Variants in SLC12A6 observed in about 807,000 individuals in gnomAD.
SLC12A6 encodes the protein solute carrier family 12 member 6, also known as K-Cl cotransporter 3.
SLC12A6 carries 66 observed loss-of-function variants against 135.3 expected under a neutral mutation model. The ratio of observed to expected loss-of-function variants is 0.49; its 90% confidence interval spans 0.40 to 0.60. The LOEUF (loss-of-function observed/expected upper bound fraction) is 0.60, where lower values mean the gene tolerates loss of function less well. Ranked by LOEUF, SLC12A6 falls within the 20% of genes least tolerant of loss-of-function variation. The pLI is 0.00. For missense variants in SLC12A6, 1,058 were observed against 1,452.3 expected, an observed-to-expected ratio of 0.73 and a Z score of 4.41; for synonymous variants, 513 against 508.8, an observed-to-expected ratio of 1.01 and a Z score of -0.11.
At chr15:34,235,348 A>G (rs1010877216) in intron 24 of SLC12A6, 34 bp from the exon 25 acceptor site, 3 of 1,597,010 alleles carry the variant, frequency 1.9e-6, no homozygotes, top group Non-Finnish European at 2.6e-6. Context: ...TGTTAAGGTA[A>G]AAAGACAACT....
chr15:34,304,274 T>C (rs1036039866), intron 2 of SLC12A6, among the ~76,000 whole-genome samples: 1 of 152,228 alleles, frequency 6.6e-6, no homozygotes, highest in Non-Finnish European at 1.5e-5. Flanking sequence ...CCAAATAATA[T>C]TCCATTATAT....
At chr15:34,313,928 G>A (rs1370344158) in intron 2 of SLC12A6, among the ~76,000 whole-genome samples, 1 of 144,952 alleles carries the variant, frequency 6.9e-6, no homozygotes, top group African/African-American at 2.6e-5. Context: ...AACATAGTGA[G>A]ACTCCTGTCT....
intron 2 of SLC12A6, among the ~76,000 whole-genome samples, chr15:34,283,932 T>C (rs1320597357): frequency 6.6e-6 from 1 of 152,054 alleles, no homozygotes; most frequent in Non-Finnish European, 1.5e-5. Flanking sequence ...ATTTTTTTTA[T>C]GGAGACAGGA....
At chr15:34,258,728 G>C in intron 5 of SLC12A6, 85 bp downstream of exon 5, 1 of 1,159,124 alleles carries the variant, frequency 8.6e-7, no homozygotes, top group South Asian at 1.2e-5. Flanking sequence ...AATAGCTGCT[G>C]AACACAGAAT....
chr15:34,336,291 G>C (rs1890188444), intron 2 of SLC12A6, 119 bp downstream of exon 2: 1 of 842,078 alleles, frequency 1.2e-6, no homozygotes, highest in Admixed American at 2.0e-5. Context: ...GAGATGCCTT[G>C]GTTCCTGATG....
chr15:34,279,484 A>C (rs978092621), intron 2 of SLC12A6, among the ~76,000 whole-genome samples: 2 of 152,158 alleles, frequency 1.3e-5, no homozygotes, highest in Non-Finnish European at 2.9e-5. Context: ...CTGGGTTTGC[A>C]ATCCAAATTG....
intron 19 of SLC12A6, among the ~76,000 whole-genome samples, 197 bp downstream of exon 19, chr15:34,240,464 A>G: frequency 6.6e-6 from 1 of 152,210 alleles, no homozygotes. Flanking sequence ...GTAATGCTTT[A>G]AACAGGAAGA....
chr15:34,317,429 C>T (rs114979356), intron 2 of SLC12A6, among the ~76,000 whole-genome samples: 5,971 of 152,220 alleles, frequency 0.039, 214 homozygotes, highest in African/African-American at 0.099. Flanking sequence ...TGAGGCCGGA[C>T]GCAGTGGCTC....
Position 34,245,732 on chromosome 15 carries a change from T to C in SLC12A6, c.1785A>G (p.Leu595=). The C allele has an allele frequency of 6.2e-7, 1 of 1,614,046 alleles. No individual in the cohort carries two copies. ...TGATGTTATCCTTGGCAATAGCTTG[T>C]AGCAGCCTCGGTGCACCTGTGAGGC... is the stretch of plus-strand genomic sequence containing the variant. ...LQSLTGAPRL[L]QAIAKDNIIP... The change falls in exon 14 of 26, where the codon CTA becomes CTG. Residue 595 remains leucine, a synonymous_variant. Coordinates refer to ENST00000354181, the MANE Select transcript of SLC12A6 (RefSeq NM_001365088.1).
chr15:34,323,157 T>C (rs1889234078), intron 2 of SLC12A6, among the ~76,000 whole-genome samples: 2 of 151,904 alleles, frequency 1.3e-5, no homozygotes, highest in Admixed American at 1.3e-4. Context: ...CTAGAAGACA[T>C]AAAAATTCCC....
intron 2 of SLC12A6, among the ~76,000 whole-genome samples, chr15:34,291,351 A>G (rs1354249026): frequency 1.3e-5 from 2 of 152,126 alleles, no homozygotes; most frequent in Non-Finnish European, 2.9e-5. Flanking sequence ...TGAGAGATGC[A>G]CTGTTAGTCT....
intron 2 of SLC12A6, among the ~76,000 whole-genome samples, chr15:34,323,143 G>A (rs1454880432): frequency 6.6e-6 from 1 of 152,068 alleles, no homozygotes; most frequent in African/African-American, 2.4e-5. Context: ...AAGGAGATCT[G>A]TATCTAGAAG....
chr15:34,318,556 C>T (rs1051405780), intron 2 of SLC12A6: 1 of 1,612,282 alleles, frequency 6.2e-7, no homozygotes, highest in East Asian at 2.2e-5. Flanking sequence ...AAGTTGCGTA[C>T]TCACCTGGTT....
chr15:34,335,246 A>G lies in SLC12A6; in HGVS notation c.271+1164T>C, dbSNP rs534501274. On this transcript the variant is annotated intron_variant, in intron 2 of 25. Coordinates refer to ENST00000354181, the MANE Select transcript of SLC12A6 (RefSeq NM_001365088.1). Reference sequence around the variant, plus strand: ...CTATGTCTCCATAAAAGAAAAAATGATTAGTCAAGGATGAGTGAATTCTAG... The same window carrying G: ...CTATGTCTCCATAAAAGAAAAAATGGTTAGTCAAGGATGAGTGAATTCTAG... 5.3e-5 allele frequency among the ~76,000 whole-genome samples: 8 copies of G among 152,338 alleles called. No individual in the cohort carries two copies. The East Asian group carries it at 1.5e-3, about 29-fold the overall frequency.
chr15:34,288,235 T>C (rs1396652593), intron 2 of SLC12A6, among the ~76,000 whole-genome samples: 3 of 151,156 alleles, frequency 2.0e-5, no homozygotes, highest in Non-Finnish European at 1.5e-5. Context: ...TTTGTGTAGT[T>C]TGTGTAGCCT....
At chr15:34,245,920 A>AT in intron 13 of SLC12A6, 53 bp from the exon 14 acceptor site, 1 of 1,418,438 alleles carries the variant, frequency 7.1e-7, no homozygotes, top group Non-Finnish European at 9.9e-7. Flanking sequence ...TTTAGACTGA[A>AT]AGACTAGAGA....
chr15:34,250,423 T>C (rs1892309369), intron 12 of SLC12A6, 68 bp from the exon 13 acceptor site: 1 of 1,013,620 alleles, frequency 9.9e-7, no homozygotes, highest in African/African-American at 1.6e-5. Flanking sequence ...AGACACTCAG[T>C]AGACACTTTC....
intron 2 of SLC12A6, among the ~76,000 whole-genome samples, chr15:34,335,297 T>G (rs181164487): frequency 1.6e-4 from 25 of 152,326 alleles, no homozygotes; most frequent in Non-Finnish European, 2.9e-5. Flanking sequence ...CAAATCTACC[T>G]TGTCTCCAGA....
chr15:34,242,727 T>A (rs1891725725), intron 16 of SLC12A6, among the ~76,000 whole-genome samples: 1 of 152,100 alleles, frequency 6.6e-6, no homozygotes, highest in East Asian at 1.9e-4. Flanking sequence ...ACTGCAGAAC[T>A]CACTGAGAAA....
Sources: gnomAD v4.1 joint callset for allele counts (sites outside exome capture counted in the v4.1 genomes callset) on GRCh38, gnomAD v4.1.1 for gene constraint, MANE v1.5 for transcripts, NCBI Gene and HGNC (gene_info 2026-07-23, HGNC 2026-07-21) for gene names.